TRDMT1: variants seen among roughly 807,000 people sequenced by gnomAD.
TRDMT1 encodes tRNA aspartic acid methyltransferase 1, also known as tRNA (cytosine(38)-C(5))-methyltransferase.
Under a neutral mutation model 51.2 loss-of-function variants are expected in TRDMT1, and 49 were observed. The observed-to-expected ratio is 0.96, with a 90% CI of 0.76 to 1.21. The LOEUF (loss-of-function observed/expected upper bound fraction) is 1.21. Ranked by LOEUF, TRDMT1 falls within the 50% of genes most tolerant of loss-of-function variation. The pLI is 0.00. For missense variants in TRDMT1, 534 were observed against 462.3 expected (o/e 1.16, Z -1.42); for synonymous variants, 187 against 164.6 (o/e 1.14, Z -1.04).
intron 1 of TRDMT1, among the ~76,000 whole-genome samples, chr10:17,176,504 T>C (rs2038576): frequency 0.14 from 20,847 of 152,200 alleles, 1,525 homozygotes; most frequent in Admixed American, 0.17. Flanking sequence ...GAAATTTCTT[T>C]CTCAGGAAAG....
At chr10:17,182,559 A>G (rs560778261) in intron 1 of TRDMT1, among the ~76,000 whole-genome samples, 2 of 152,324 alleles carry the variant, frequency 1.3e-5, no homozygotes, top group South Asian at 2.1e-4. Flanking sequence ...CATCTACAAA[A>G]TAGAAGTATT....
intron 10 of TRDMT1, chr10:17,151,923 T>C (rs1838789743): frequency 1.7e-6 from 2 of 1,155,428 alleles, no homozygotes; most frequent in Middle Eastern, 2.5e-4. Flanking sequence ...AAGGTGGGGC[T>C]GGGATATGAA....
intron 1 of TRDMT1, among the ~76,000 whole-genome samples, chr10:17,191,977 G>A (rs1478294586): frequency 6.6e-6 from 1 of 152,132 alleles, no homozygotes; most frequent in Non-Finnish European, 1.5e-5. Context: ...ATCACCCCCT[G>A]ACAGTGTCAG....
intron 1 of TRDMT1, among the ~76,000 whole-genome samples, chr10:17,186,248 C>A (rs1484297383): frequency 1.3e-5 from 2 of 151,966 alleles, no homozygotes; most frequent in Admixed American, 6.6e-5. Context: ...CCAAAGATAT[C>A]CACATCTTAA....
At chr10:17,201,280 C>A (rs1846122003) in intron 1 of TRDMT1, 1 of 373,540 alleles carries the variant, frequency 2.7e-6, no homozygotes, top group East Asian at 5.3e-5. Flanking sequence ...CCCTTTGATA[C>A]CCTTTGAGGT....
At chr10:17,190,648 T>C (rs1452570171) in intron 1 of TRDMT1, among the ~76,000 whole-genome samples, 1 of 152,218 alleles carries the variant, frequency 6.6e-6, no homozygotes, top group African/African-American at 2.4e-5. Context: ...CACACAACCA[T>C]GCCTACAAAA....
intron 4 of TRDMT1, 142 bp from the exon 5 acceptor site, chr10:17,161,690 C>T: frequency 2.0e-6 from 1 of 493,282 alleles, no homozygotes; most frequent in Non-Finnish European, 3.3e-6. Flanking sequence ...CTGGAGACAA[C>T]ATATATTTTA....
chr10:17,171,447 T>C (rs947289926), intron 2 of TRDMT1: 1 of 152,194 alleles, frequency 6.6e-6, no homozygotes, highest in Non-Finnish European at 1.5e-5. Context: ...CATGGGTAAA[T>C]GGAACCGAGA....
At chr10:17,151,950 C>T (rs1447704217) in intron 10 of TRDMT1, 2 of 1,238,506 alleles carry the variant, frequency 1.6e-6, no homozygotes, top group African/African-American at 3.2e-5. Context: ...CAGTCTGACT[C>T]TGGGCTCTGT....
chr10:17,177,392 G>C (rs1182756087), intron 1 of TRDMT1, among the ~76,000 whole-genome samples: 1 of 151,834 alleles, frequency 6.6e-6, no homozygotes, highest in Non-Finnish European at 1.5e-5. Context: ...AGTAGGGACA[G>C]GGTTTCACCA....
Position 17,161,172 on chromosome 10 carries a change from C to T in TRDMT1, c.389+311G>A, listed in dbSNP as rs12263438. ...CAACAGGACCAATTCTTACTGAAAACATTTCTACTTCCACAGAAATAAGCA... is the reference window on the plus strand; with the variant it reads ...CAACAGGACCAATTCTTACTGAAAATATTTCTACTTCCACAGAAATAAGCA... On this transcript the variant is annotated intron_variant, in intron 5 of 10. Transcript: ENST00000377799. Among the ~76,000 whole-genome samples the T allele has an allele frequency of 8.2e-3, 1,244 of 152,322 alleles. 20 individuals are homozygous for T. Among genetic ancestry groups the T allele is most frequent in the African/African-American group, 0.028 (1,164 of 41,568 alleles).
chr10:17,176,881 T>C (rs559982149), intron 1 of TRDMT1, among the ~76,000 whole-genome samples: 1 of 152,288 alleles, frequency 6.6e-6, no homozygotes, highest in South Asian at 2.1e-4. Context: ...ATTTTGAAAA[T>C]GTATAATTAA....
chr10:17,148,760 T>C lies in TRDMT1; in HGVS notation c.*280A>G. ...GCTCTAGTGCTCCTTGATTTGTTTA[T>C]AAAATTGTTTTTAAAAAGAATATTC... is the stretch of plus-strand genomic sequence containing the variant. On this transcript the variant is annotated 3_prime_UTR_variant, in exon 11 of 11. Transcript: ENST00000377799. 1 of 1,040,048 alleles carries C rather than the reference T, an allele frequency of 9.6e-7. No homozygotes were observed. Among genetic ancestry groups the C allele is most frequent in the Non-Finnish European group, 1.2e-6 (1 of 863,862 alleles). 64.4% of individuals were successfully genotyped at this position (1,040,048 alleles called of 1,614,324 possible). A position where few individuals can be genotyped will look rare whatever the true frequency, so the allele number is the denominator to read the frequency against.
intron 1 of TRDMT1, among the ~76,000 whole-genome samples, chr10:17,187,017 A>C (rs1431659505): frequency 2.0e-5 from 3 of 152,188 alleles, no homozygotes; most frequent in Non-Finnish European, 4.4e-5. Context: ...GTCAGTGTTT[A>C]TGCATTAGCA....
In TRDMT1 at chr10:17,148,309, A is replaced by G; in HGVS notation, c.*731T>C. ...TTCCTCAGCGTGCAAAGGCAAATTC[A>G]ACTCAGAAGCTGAGAAGACAAAAAC... is the stretch of plus-strand genomic sequence containing the variant. On this transcript the variant is annotated 3_prime_UTR_variant, in exon 11 of 11. Coordinates refer to ENST00000377799, the MANE Select transcript of TRDMT1 (RefSeq NM_004412.7). 1 of 985,460 alleles carries G rather than the reference A, an allele frequency of 1.0e-6. No individual in the cohort carries two copies. Among genetic ancestry groups the G allele is most frequent in the South Asian group, 4.7e-5 (1 of 21,288 alleles). 61.0% of individuals were successfully genotyped at this position (985,460 alleles called of 1,614,324 possible). A position where few individuals can be genotyped will look rare whatever the true frequency, so the allele number is the denominator to read the frequency against.
At chr10:17,182,354 C>A (rs1226305960) in intron 1 of TRDMT1, among the ~76,000 whole-genome samples, 1 of 152,182 alleles carries the variant, frequency 6.6e-6, no homozygotes, top group Non-Finnish European at 1.5e-5. Context: ...TTAAATGAGT[C>A]CAGAGTTACA....
chr10:17,155,316 T>C (rs916707221), intron 8 of TRDMT1, among the ~76,000 whole-genome samples: 1 of 152,248 alleles, frequency 6.6e-6, no homozygotes, highest in East Asian at 1.9e-4. Context: ...TTGTCATTTC[T>C]TTTTATTAAT....
rs914031562 is a variant in TRDMT1, at chr10:17,148,151, A to G, written c.*889T>C. On this transcript the variant is annotated 3_prime_UTR_variant, in exon 11 of 11. Transcript: ENST00000377799. The stretch of plus-strand genomic sequence containing the variant: ...GTCTGCTGAGGAAGAGAGACAGAGA[A>G]AGTTAAAAGTCATAAAAGTTCATTG... 75 of 985,446 alleles carry G rather than the reference A, an allele frequency of 7.6e-5. No homozygotes were observed. The African/African-American group carries it at 1.2e-3, about 16-fold the overall frequency. The allele number at this position is 985,446 out of a possible 1,614,324, so 61.0% of individuals were successfully genotyped here. A position where few individuals can be genotyped will look rare whatever the true frequency, so the allele number is the denominator to read the frequency against.
chr10:17,139,150 G>A lies in TRDMT1; in HGVS notation c.*9890C>T. On this transcript the variant is annotated 3_prime_UTR_variant, in exon 11 of 11. Transcript: ENST00000377799. The stretch of plus-strand genomic sequence containing the variant: ...CTTGGTTTCCAAGGTGTGAAGCAAT[G>A]AAGCGGAGTTTACCATAGGTGAACC... 1 of 984,052 alleles carries A rather than the reference G, an allele frequency of 1.0e-6. No individual in the cohort carries two copies. Among genetic ancestry groups the A allele is most frequent in the Non-Finnish European group, 1.2e-6 (1 of 828,708 alleles). 61.0% of individuals were successfully genotyped at this position (984,052 alleles called of 1,614,324 possible).
Sources: gnomAD v4.1 joint callset for allele counts (sites outside exome capture counted in the v4.1 genomes callset) on GRCh38, gnomAD v4.1.1 for gene constraint, MANE v1.5 for transcripts, NCBI Gene and HGNC (gene_info 2026-07-23, HGNC 2026-07-21) for gene names.